CNGB3: variants seen among roughly 807,000 people sequenced by gnomAD.
CNGB3 encodes cyclic nucleotide gated channel subunit beta 3.
CNGB3 carries 86 observed loss-of-function variants against 92.8 expected under a neutral mutation model. That is an observed-to-expected ratio of 0.93 (90% confidence interval 0.78 to 1.11). The LOEUF is 1.11. Ranked by LOEUF, CNGB3 falls within the 50% of genes least tolerant of loss-of-function variation. The pLI, the probability that CNGB3 is intolerant of heterozygous loss-of-function variation, is 0.00. For missense variants in CNGB3, 1,026 were observed against 956.8 expected (o/e 1.07, Z -0.95); for synonymous variants, 333 against 332.7 (o/e 1.00, Z -0.01).
intron 3 of CNGB3, among the ~76,000 whole-genome samples, chr8:86,689,964 G>T (rs990824127): frequency 2.0e-5 from 3 of 152,140 alleles, no homozygotes; most frequent in South Asian, 2.1e-4. Context: ...GTCTATCATT[G>T]TTGGACATTT....
intron 1 of CNGB3, 133 bp from the exon 2 acceptor site, chr8:86,739,869 T>G: frequency 9.2e-7 from 1 of 1,089,744 alleles, no homozygotes; most frequent in Non-Finnish European, 1.3e-6. Context: ...GTACTAAAAA[T>G]GATTCTTGCA....
chr8:86,658,384 G>T, intron 6 of CNGB3: 1 of 437,368 alleles, frequency 2.3e-6, no homozygotes, highest in East Asian at 5.5e-5. Context: ...AGAGCCATGA[G>T]GGTCAGCTGG....
At chr8:86,728,461 A>G (rs1244047153) in intron 2 of CNGB3, among the ~76,000 whole-genome samples, 1 of 152,154 alleles carries the variant, frequency 6.6e-6, no homozygotes, top group Non-Finnish European at 1.5e-5. Flanking sequence ...ATATTTTTCC[A>G]TTTCTCTTTA....
chr8:86,714,877 C>T (rs1291546181), intron 3 of CNGB3, among the ~76,000 whole-genome samples: 1 of 152,076 alleles, frequency 6.6e-6, no homozygotes. Context: ...TGCTTTCCCC[C>T]ACTTCCCTGG....
chr8:86,578,297 A>C lies in CNGB3; in HGVS notation c.2103+392T>G, dbSNP rs1176124571. 1.3e-5 allele frequency among the ~76,000 whole-genome samples: 2 copies of C among 152,164 alleles called. 1 individual carries two copies. Among genetic ancestry groups the C allele is most frequent in the Middle Eastern group, 6.3e-3 (2 of 316 alleles). ...TCAGCTGAAAATGTATGCATCAAGC[A>C]ACTTAAATTTTTTGCCACCCTGCAC... On this transcript the variant is annotated intron_variant, in intron 17 of 17. Transcript: ENST00000320005.
At chr8:86,687,873 G>A (rs1360629314) in intron 3 of CNGB3, among the ~76,000 whole-genome samples, 1 of 151,958 alleles carries the variant, frequency 6.6e-6, no homozygotes, top group Non-Finnish European at 1.5e-5. Flanking sequence ...TGTTTATAGA[G>A]TGCCTATTAT....
At chr8:86,585,670 T>TA (rs1430003817) in intron 15 of CNGB3, among the ~76,000 whole-genome samples, 1 of 152,100 alleles carries the variant, frequency 6.6e-6, no homozygotes, top group Admixed American at 6.6e-5. Flanking sequence ...TTCTGTACCA[T>TA]AAAAATGGAT....
chr8:86,643,245 G>A (rs1027089496), intron 10 of CNGB3, among the ~76,000 whole-genome samples: 4 of 151,198 alleles, frequency 2.6e-5, no homozygotes, highest in Non-Finnish European at 4.4e-5. Context: ...CAATTCATGG[G>A]GTACTCATGC....
chr8:86,641,227 A>T (rs759380709), intron 10 of CNGB3, among the ~76,000 whole-genome samples: 10 of 152,002 alleles, frequency 6.6e-5, no homozygotes, highest in Non-Finnish European at 1.3e-4. Context: ...AAGGGGAGGA[A>T]CCCTCAATTC....
chr8:86,656,433 T>TA (rs1469505049), intron 6 of CNGB3, among the ~76,000 whole-genome samples: 1 of 152,222 alleles, frequency 6.6e-6, no homozygotes, highest in Admixed American at 6.5e-5. Context: ...TTAGTGATTT[T>TA]AAAATCTATC....
At chr8:86,593,826 C>A in intron 15 of CNGB3, 1 of 1,071,056 alleles carries the variant, frequency 9.3e-7, no homozygotes, top group Non-Finnish European at 1.4e-6. Context: ...TCTGTCAGGT[C>A]AGGGAAGTTG....
intron 10 of CNGB3, among the ~76,000 whole-genome samples, chr8:86,641,319 T>G (rs894722627): frequency 2.6e-5 from 4 of 152,022 alleles, no homozygotes; most frequent in African/African-American, 9.7e-5. Flanking sequence ...TAATTGTAGG[T>G]ATTCTAAGCA....
chr8:86,587,718 C>G lies in CNGB3; in HGVS notation c.1782-8466G>C, dbSNP rs561587229. On this transcript the variant is annotated intron_variant, in intron 15 of 17. Transcript: ENST00000320005. ...CTATATCTCTGTTTTGGTACCAGTA[C>G]CATGCTGTTTTGGTTACTGTAGCCT... 5.2e-3 allele frequency among the ~76,000 whole-genome samples: 779 copies of G among 149,488 alleles called. 7 individuals carry two copies. Among genetic ancestry groups the G allele is most frequent in the African/African-American group, 0.018 (745 of 40,704 alleles).
intron 3 of CNGB3, among the ~76,000 whole-genome samples, chr8:86,694,374 G>T (rs1192671776): frequency 6.6e-6 from 1 of 150,554 alleles, no homozygotes; most frequent in African/African-American, 2.4e-5. Flanking sequence ...CTTCCCTCCC[G>T]GACGGGGTGG....
intron 10 of CNGB3, among the ~76,000 whole-genome samples, chr8:86,638,750 A>C (rs896626321): frequency 3.9e-5 from 6 of 151,932 alleles, no homozygotes; most frequent in African/African-American, 1.4e-4. Flanking sequence ...ACATCTGTTG[A>C]ATCTCCTTCT....
intron 3 of CNGB3, among the ~76,000 whole-genome samples, chr8:86,672,049 TGGCAATAGAAAAA>T: frequency 6.6e-6 from 1 of 152,342 alleles, no homozygotes; most frequent in South Asian, 2.1e-4. Context: ...ATTTGTTATG[TGGCAATAGAAAAA>T]TAATGCAGCT....
At chr8:86,741,952 T>C (rs1220594764) in intron 1 of CNGB3, among the ~76,000 whole-genome samples, 1 of 152,200 alleles carries the variant, frequency 6.6e-6, no homozygotes, top group African/African-American at 2.4e-5. Context: ...AGCCTAGTGA[T>C]TTAGCTCTCA....
At chr8:86,623,392 G>A (rs1466859386) in intron 13 of CNGB3, among the ~76,000 whole-genome samples, 3 of 152,166 alleles carry the variant, frequency 2.0e-5, no homozygotes, top group Admixed American at 6.5e-5. Flanking sequence ...AGACCGAGAA[G>A]TCCAAGATCA....
rs1010123628 is a variant in CNGB3 at position 86,661,852 on chromosome 8, G to A, written c.852+5073C>T. 3 of 1,301,012 alleles carry A rather than the reference G, an allele frequency of 2.3e-6. No homozygotes were observed. The African/African-American group carries it at 4.4e-5, about 19-fold the overall frequency. 80.6% of individuals were successfully genotyped at this position (1,301,012 alleles called of 1,614,324 possible). A position where few individuals can be genotyped will look rare whatever the true frequency, so the allele number is the denominator to read the frequency against. On this transcript the variant is annotated intron_variant, in intron 6 of 17. Coordinates refer to ENST00000320005, the MANE Select transcript of CNGB3 (RefSeq NM_019098.5). ...TTCTCAGTATCTTCTGGACGTTCCA[G>A]AACTGATGTCAGATTTGGGTCATCA... is the stretch of plus-strand genomic sequence containing the variant.
Sources: allele counts gnomAD v4.1 joint callset (sites outside exome capture counted in the v4.1 genomes callset), GRCh38; gene constraint gnomAD v4.1.1; transcripts MANE v1.5; gene names NCBI Gene and HGNC (gene_info 2026-07-23, HGNC 2026-07-21).